The following ABCA12 variants were observed in gnomAD, a reference collection of about 807,000 sequenced individuals.
The protein encoded by ABCA12 is ATP binding cassette subfamily A member 12, also known as glucosylceramide transporter ABCA12.
Under a neutral mutation model 293.5 loss-of-function variants are expected in ABCA12, and 156 were observed. The ratio of observed to expected loss-of-function variants is 0.53; its 90% CI spans 0.47 to 0.61. The LOEUF (loss-of-function observed/expected upper bound fraction) is 0.61, where lower values mean the gene tolerates loss of function less well. ABCA12 is among the 20% of genes least tolerant of loss of function. ABCA12 has a pLI of 0.00. For missense variants in ABCA12, 2,797 were observed against 3,090.2 expected (o/e 0.91, Z 2.25); for synonymous variants, 1,063 against 1,108.0 (o/e 0.96, Z 0.81).
In ABCA12 at chr2:215,001,501, G is replaced by C. The variant is rs1559139844; in HGVS notation, c.2863+57C>G. The C allele has an allele frequency of 1.9e-6, 3 of 1,608,934 alleles. No individual in the cohort carries two copies. The African/African-American group carries it at 4.0e-5, about 22-fold the overall frequency. ...GTTCTGGATGAAAGACATGAGGAAAGAATTTGGCCAATTTTAGCACAAAGA... is the reference window on the plus strand; with the variant it reads ...GTTCTGGATGAAAGACATGAGGAAACAATTTGGCCAATTTTAGCACAAAGA... On this transcript the variant is annotated intron_variant, in intron 21 of 52. Coordinates refer to ENST00000272895, the MANE Select transcript of ABCA12 (RefSeq NM_173076.3).
Position 215,099,795 on chromosome 2 carries a change from G to A in ABCA12, c.163+11802C>T, listed in dbSNP as rs559648425. Among the ~76,000 whole-genome samples, 3 of 152,184 alleles carry A rather than the reference G, an allele frequency of 2.0e-5. No homozygotes were observed. The South Asian group carries it at 6.2e-4, about 32-fold the overall frequency. On this transcript the variant is annotated intron_variant, in intron 2 of 52. Coordinates refer to ENST00000272895, the MANE Select transcript of ABCA12 (RefSeq NM_173076.3). ...AGGGGCAATTTGTTATAGAGCAACA[G>A]ATAACTAATACAGCCTGTGATATAA...
At chr2:215,051,205 G>T (rs1701313244) in intron 5 of ABCA12, among the ~76,000 whole-genome samples, 1 of 152,148 alleles carries the variant, frequency 6.6e-6, no homozygotes, top group Non-Finnish European at 1.5e-5. Context: ...TATACACTGT[G>T]CTTGATTGGG....
chr2:215,101,873 G>A (rs758693387), intron 2 of ABCA12, among the ~76,000 whole-genome samples: 1 of 152,146 alleles, frequency 6.6e-6, no homozygotes, highest in Non-Finnish European at 1.5e-5. Flanking sequence ...GCAATCAAGA[G>A]ATCATGAAAA....
At chr2:215,043,803 C>T (rs1174719260) in intron 7 of ABCA12, among the ~76,000 whole-genome samples, 4 of 151,874 alleles carry the variant, frequency 2.6e-5, no homozygotes, top group Admixed American at 2.0e-4. Flanking sequence ...TTTCAATCAC[C>T]CCAGAAAATT....
At chr2:215,134,536 G>A (rs1703154829) in intron 1 of ABCA12, among the ~76,000 whole-genome samples, 1 of 124,046 alleles carries the variant, frequency 8.1e-6, no homozygotes, top group Non-Finnish European at 1.7e-5. Flanking sequence ...ACGTATATAT[G>A]TACATATATA....
chr2:215,051,398 G>T (rs1559167634), intron 5 of ABCA12, among the ~76,000 whole-genome samples: 2 of 152,038 alleles, frequency 1.3e-5, no homozygotes, highest in African/African-American at 4.8e-5. Flanking sequence ...CCTGGAGTCC[G>T]CTTTTGTGCT....
intron 31 of ABCA12, among the ~76,000 whole-genome samples, chr2:214,980,052 T>C (rs1699612928): frequency 6.6e-6 from 1 of 152,206 alleles, no homozygotes; most frequent in Non-Finnish European, 1.5e-5. Context: ...TGACTTCATA[T>C]TCGTTTTATT....
intron 10 of ABCA12, among the ~76,000 whole-genome samples, chr2:215,026,291 A>C (rs963984754): frequency 1.3e-5 from 2 of 152,236 alleles, no homozygotes; most frequent in African/African-American, 4.8e-5. Flanking sequence ...TTTCTCTCAA[A>C]AAAAAGAAAC....
chr2:214,974,093 A>T, intron 35 of ABCA12, 51 bp from the exon 36 acceptor site: 2 of 1,438,978 alleles, frequency 1.4e-6, no homozygotes, highest in Non-Finnish European at 2.0e-6. Context: ...ATGTGTTCTC[A>T]TGTTTACATA....
chr2:215,115,536 A>C (rs1702667467), intron 1 of ABCA12, among the ~76,000 whole-genome samples: 1 of 152,178 alleles, frequency 6.6e-6, no homozygotes, highest in Non-Finnish European at 1.5e-5. Flanking sequence ...TTAAAGGTTT[A>C]GTATTTTTGC....
Position 214,978,901 on chromosome 2 carries a change from A to T in ABCA12, c.4880T>A (p.Val1627Asp), listed in dbSNP as rs762624267. The change falls in exon 32 of 53, where the codon GTC becomes GAC. Residue 1627 changes from valine to aspartate, a missense_variant. Around this residue, in one of 3 missense-constraint regions of ABCA12, gnomAD observed 2,130 missense variants for 2,427.0 expected, o/e 0.88. Coordinates refer to ENST00000272895, the MANE Select transcript of ABCA12 (RefSeq NM_173076.3). Reference sequence around the variant, plus strand: ...TAGGAGTGACAGGTAGGCCCCTGAGACTTTGGTGCTGAATGGAGGAAGTAC... The same window carrying T: ...TAGGAGTGACAGGTAGGCCCCTGAGTCTTTGGTGCTGAATGGAGGAAGTAC... ...VYVLPPFSTK[V>D]SGAYLSLLRA... is the part of the protein sequence containing the mutation. 6.2e-7 allele frequency: 1 copy of T among 1,613,932 alleles called. No homozygotes were observed. The highest frequency in any genetic ancestry group is 8.5e-7 in the Non-Finnish European group (1 of 1,179,970).
rs561753098 is a variant in ABCA12 at position 214,967,708 on chromosome 2, C to T, written c.5779-755G>A. 2.8e-4 allele frequency among the ~76,000 whole-genome samples: 43 copies of T among 152,156 alleles called. 1 individual carries two copies. In the South Asian group the frequency reaches 8.7e-3, roughly 31 times the overall value. ...CTATATGATTTACTGTAAAAATCAG[C>T]TAAAATAGACTCAGGAATATTTATC... On this transcript the variant is annotated intron_variant, in intron 38 of 52. Coordinates refer to ENST00000272895, the MANE Select transcript of ABCA12 (RefSeq NM_173076.3).
At chr2:214,975,676 A>G (rs1389227088) in intron 34 of ABCA12, 109 bp downstream of exon 34, 5 of 1,447,984 alleles carry the variant, frequency 3.5e-6, no homozygotes, top group Non-Finnish European at 4.8e-6. Flanking sequence ...ATCAGGTACC[A>G]TGGCTTCTAA....
At chr2:215,094,126 T>C (rs1427995847) in intron 2 of ABCA12, among the ~76,000 whole-genome samples, 1 of 152,218 alleles carries the variant, frequency 6.6e-6, no homozygotes, top group Admixed American at 6.5e-5. Flanking sequence ...TCAATATTTA[T>C]ACTGACTCTA....
At position 215,004,300 on chromosome 2, in the gene ABCA12, C is replaced by T. The variant is rs1131691611; in HGVS notation, c.2593-1G>A. The stretch of plus-strand genomic sequence containing the variant: ...GCACAAAAGGGTTCCTTAGAGTATT[C>T]TAACAAATAATAATTAAAAATCAGT... On this transcript the variant is annotated splice_acceptor_variant, in intron 19 of 52. Coordinates refer to ENST00000272895, the MANE Select transcript of ABCA12 (RefSeq NM_173076.3). LOFTEE classifies it high-confidence loss of function. The T allele has an allele frequency of 6.2e-7, 1 of 1,605,528 alleles. No individual in the cohort carries two copies. The highest frequency in any genetic ancestry group is 8.5e-7 in the Non-Finnish European group (1 of 1,173,546).
intron 3 of ABCA12, among the ~76,000 whole-genome samples, chr2:215,063,239 G>A (rs1351737623): frequency 6.6e-6 from 1 of 151,906 alleles, no homozygotes; most frequent in Non-Finnish European, 1.5e-5. Flanking sequence ...AATGAGAATG[G>A]TATTAAAGGA....
chr2:215,098,293 A>T (rs1702288467), intron 2 of ABCA12, among the ~76,000 whole-genome samples: 1 of 152,218 alleles, frequency 6.6e-6, no homozygotes, highest in Non-Finnish European at 1.5e-5. Context: ...GTTCAAAACA[A>T]TGATTCAATG....
chr2:215,015,815 T>G, intron 14 of ABCA12, 152 bp from the exon 15 acceptor site: 3 of 709,680 alleles, frequency 4.2e-6, no homozygotes, highest in Non-Finnish European at 7.2e-6. Context: ...TAATTACTAT[T>G]AATAAGACAA....
At chr2:215,029,531 T>C (rs1243417953) in intron 9 of ABCA12, 2 of 152,204 alleles carry the variant, frequency 1.3e-5, no homozygotes, top group East Asian at 1.9e-4. Context: ...ATACTGGCCT[T>C]ATCTACTAGA....
Sources: gnomAD v4.1 joint callset for allele counts (sites outside exome capture counted in the v4.1 genomes callset) on GRCh38, gnomAD v4.1.1 for gene constraint, gnomAD v4.1.1 regional missense constraint, MANE v1.5 for transcripts, NCBI Gene and HGNC (gene_info 2026-07-23, HGNC 2026-07-21) for gene names.